GRM3: variants seen among roughly 807,000 people sequenced by gnomAD.
The protein encoded by GRM3 is metabotropic glutamate receptor 3.
In GRM3, 26 loss-of-function variants were observed where a neutral mutation model predicts 70.5. The ratio of observed to expected loss-of-function variants is 0.37; its 90% confidence interval spans 0.27 to 0.51. GRM3 has a LOEUF of 0.51. Among genes scored for constraint, GRM3 ranks in the 20% least tolerant of loss-of-function variants. The probability of loss-of-function intolerance (pLI) is 0.93; values close to 1 mark genes in which losing one functional copy is unlikely to be tolerated. For missense variants in GRM3, 859 were observed against 1,123.8 expected, an observed-to-expected ratio of 0.76 and a Z score of 3.37; for synonymous variants, 443 against 434.9, an observed-to-expected ratio of 1.02 and a Z score of -0.23.
chr7:86,760,915 G>T (rs1382194768), intron 1 of GRM3, among the ~76,000 whole-genome samples: 1 of 151,986 alleles, frequency 6.6e-6, no homozygotes, highest in Non-Finnish European at 1.5e-5. Flanking sequence ...TTTATGGTCT[G>T]CATATCTAAT....
At chr7:86,659,321 A>G (rs1455679173) in intron 1 of GRM3, among the ~76,000 whole-genome samples, 6 of 152,206 alleles carry the variant, frequency 3.9e-5, no homozygotes, top group Non-Finnish European at 8.8e-5. Context: ...GAATGTTTAC[A>G]TATGCCAGGC....
At chr7:86,670,497 C>G (rs1255577243) in intron 1 of GRM3, among the ~76,000 whole-genome samples, 4 of 152,118 alleles carry the variant, frequency 2.6e-5, no homozygotes, top group Non-Finnish European at 5.9e-5. Context: ...GAATTTCTGC[C>G]TGCATATCTT....
At chr7:86,795,860 C>G (rs1159818210) in intron 3 of GRM3, among the ~76,000 whole-genome samples, 1 of 152,190 alleles carries the variant, frequency 6.6e-6, no homozygotes, top group Non-Finnish European at 1.5e-5. Flanking sequence ...TACATTCCCA[C>G]CAATAGTGTA....
intron 1 of GRM3, among the ~76,000 whole-genome samples, chr7:86,728,953 TA>T (rs1429484390): frequency 2.6e-5 from 4 of 152,230 alleles, no homozygotes; most frequent in South Asian, 4.1e-4. Context: ...TTTCCTAGTA[TA>T]AAAAAAGCAC....
chr7:86,735,530 G>T (rs1795838014), intron 1 of GRM3, among the ~76,000 whole-genome samples: 1 of 152,130 alleles, frequency 6.6e-6, no homozygotes, highest in South Asian at 2.1e-4. Context: ...GATCTGACCA[G>T]CAGGTTTTTA....
intron 1 of GRM3, among the ~76,000 whole-genome samples, chr7:86,710,417 G>A (rs1012327106): frequency 1.5e-4 from 22 of 150,476 alleles, no homozygotes; most frequent in South Asian, 2.1e-4. Context: ...AATAAATTAC[G>A]TTTATGTTTT....
At chr7:86,754,010 T>C (rs937089473) in intron 1 of GRM3, among the ~76,000 whole-genome samples, 4 of 152,088 alleles carry the variant, frequency 2.6e-5, no homozygotes, top group African/African-American at 9.7e-5. Context: ...TCCACAGAAT[T>C]TTCCAGCTAA....
At chr7:86,785,476 G>A (rs1028831057) in intron 2 of GRM3, among the ~76,000 whole-genome samples, 4 of 151,082 alleles carry the variant, frequency 2.6e-5, no homozygotes, top group Non-Finnish European at 4.4e-5. Context: ...GAAGTAAGTG[G>A]TCTGTTCTTG....
chr7:86,698,178 G>A (rs1384418415), intron 1 of GRM3, among the ~76,000 whole-genome samples: 3 of 152,030 alleles, frequency 2.0e-5, no homozygotes, highest in Admixed American at 6.6e-5. Flanking sequence ...ACTGAACTGG[G>A]GGATTTACCA....
chr7:86,755,937 TA>T (rs1384240254), intron 1 of GRM3, among the ~76,000 whole-genome samples: 2 of 152,194 alleles, frequency 1.3e-5, no homozygotes, highest in East Asian at 3.8e-4. Context: ...ATCTAATGTC[TA>T]GACTTACAGA....
chr7:86,823,582 A>ATTTT (rs35792615), intron 3 of GRM3, among the ~76,000 whole-genome samples: 16 of 43,112 alleles, frequency 3.7e-4, no homozygotes, highest in Non-Finnish European at 4.3e-4. Flanking sequence ...TGTGTGAGGT[A>ATTTT]TTTTTTTTTT....
intron 1 of GRM3, among the ~76,000 whole-genome samples, chr7:86,736,054 T>A (rs186359526): frequency 2.0e-5 from 3 of 152,224 alleles, no homozygotes; most frequent in African/African-American, 7.2e-5. Flanking sequence ...CCACTGTGTT[T>A]GAAGAAGTCA....
At chr7:86,791,707 T>A (rs553035167) in intron 3 of GRM3, among the ~76,000 whole-genome samples, 1 of 152,322 alleles carries the variant, frequency 6.6e-6, no homozygotes, top group East Asian at 1.9e-4. Context: ...TGAAATGCTA[T>A]TGAAGGAATG....
intron 1 of GRM3, among the ~76,000 whole-genome samples, chr7:86,750,835 C>G (rs922464372): frequency 6.6e-6 from 1 of 151,958 alleles, no homozygotes. Flanking sequence ...AAAACAGCAA[C>G]TAGGACTTGG....
chr7:86,646,028 T>G (rs543212003), intron 1 of GRM3, among the ~76,000 whole-genome samples: 2 of 125,748 alleles, frequency 1.6e-5, no homozygotes, highest in Non-Finnish European at 3.3e-5. Flanking sequence ...GGAGGGAGTT[T>G]AGGGGGTGGA....
intron 1 of GRM3, among the ~76,000 whole-genome samples, chr7:86,747,156 G>C (rs376027007): frequency 6.6e-6 from 1 of 152,160 alleles, no homozygotes; most frequent in East Asian, 1.9e-4. Flanking sequence ...AAAAATTTAA[G>C]CAGAGAAGCC....
intron 3 of GRM3, among the ~76,000 whole-genome samples, chr7:86,835,581 A>G (rs1334657012): frequency 1.3e-5 from 2 of 152,164 alleles, no homozygotes; most frequent in East Asian, 3.8e-4. Context: ...ATATATGACA[A>G]GCATTTAATA....
intron 2 of GRM3, among the ~76,000 whole-genome samples, chr7:86,780,187 T>C (rs1223098194): frequency 1.3e-5 from 2 of 152,186 alleles, no homozygotes; most frequent in African/African-American, 2.4e-5. Flanking sequence ...TAAACATACG[T>C]GTGCATGTGT....
chr7:86,751,630 G>A (rs1354605498), intron 1 of GRM3, among the ~76,000 whole-genome samples: 1 of 151,996 alleles, frequency 6.6e-6, no homozygotes, highest in Non-Finnish European at 1.5e-5. Flanking sequence ...CTCTTCCCAT[G>A]CAGCCTAAAC....
Sources: allele counts gnomAD v4.1 joint callset (sites outside exome capture counted in the v4.1 genomes callset), GRCh38; gene constraint gnomAD v4.1.1; transcripts MANE v1.5; gene names NCBI Gene and HGNC (gene_info 2026-07-23, HGNC 2026-07-21).